The following UBE2G1 variants were observed in gnomAD, a reference collection of about 807,000 sequenced individuals.
The protein encoded by UBE2G1 is ubiquitin-conjugating enzyme E2 G1.
Under a neutral mutation model 22.7 loss-of-function variants are expected in UBE2G1, and 5 were observed. The observed-to-expected ratio is 0.22, with a 90% confidence interval of 0.12 to 0.46. The LOEUF is 0.46. UBE2G1 is among the 20% of genes least tolerant of loss of function. The probability of loss-of-function intolerance (pLI) is 0.99; values close to 1 mark genes in which losing one functional copy is unlikely to be tolerated. For synonymous variants in UBE2G1, 74 were observed against 67.5 expected (o/e 1.10, Z -0.47); for missense variants, 88 against 203.9 (o/e 0.43, Z 3.46).
chr17:4,278,492 G>A (rs974188622), intron 5 of UBE2G1, among the ~76,000 whole-genome samples: 1 of 152,128 alleles, frequency 6.6e-6, no homozygotes, highest in Admixed American at 6.5e-5. Context: ...ATTTGTGTTG[G>A]GCTGCATTCA....
At chr17:4,342,902 C>A (rs1969727780) in intron 1 of UBE2G1, among the ~76,000 whole-genome samples, 1 of 152,152 alleles carries the variant, frequency 6.6e-6, no homozygotes. Context: ...CATTGCCAGG[C>A]CTCTCTCCCA....
In UBE2G1 at chr17:4,272,018, G is replaced by A. The variant is rs948070579; in HGVS notation, c.*536C>T. The stretch of plus-strand genomic sequence containing the variant: ...AAGGGGAGTGTGTCAAAACAAAGAA[G>A]ATACAAAAGTTTAGTAAGTGAAAAG... On this transcript the variant is annotated 3_prime_UTR_variant, in exon 6 of 6. Transcript: ENST00000396981. The A allele has an allele frequency of 6.6e-6, 1 of 152,492 alleles. No individual in the cohort carries two copies. The highest frequency in any genetic ancestry group is 2.4e-5 in the African/African-American group (1 of 41,436). 9.4% of individuals were successfully genotyped at this position (152,492 alleles called of 1,614,324 possible). A position where few individuals can be genotyped will look rare whatever the true frequency, so the allele number is the denominator to read the frequency against.
intron 1 of UBE2G1, among the ~76,000 whole-genome samples, chr17:4,311,148 G>A (rs1255696258): frequency 1.3e-5 from 2 of 152,100 alleles, no homozygotes; most frequent in African/African-American, 4.8e-5. Flanking sequence ...GATGACTTGA[G>A]CCCAGGAGGC....
intron 5 of UBE2G1, among the ~76,000 whole-genome samples, chr17:4,275,390 G>A (rs1479879864): frequency 1.3e-5 from 2 of 152,080 alleles, no homozygotes; most frequent in African/African-American, 4.8e-5. Flanking sequence ...TATCCATTTC[G>A]CAGAATTTAT....
chr17:4,357,417 C>A (rs186121207), intron 1 of UBE2G1, among the ~76,000 whole-genome samples: 1 of 146,576 alleles, frequency 6.8e-6, no homozygotes, highest in East Asian at 2.0e-4. Flanking sequence ...TTTCAGGCAT[C>A]CCCTGGAGGT....
intron 1 of UBE2G1, among the ~76,000 whole-genome samples, chr17:4,360,499 T>C (rs1191761901): frequency 6.6e-6 from 1 of 152,200 alleles, no homozygotes. Context: ...AATATAATGA[T>C]AGTCACTGGA....
In UBE2G1 at chr17:4,277,644, G is replaced by A. The variant is rs546763769; in HGVS notation, c.*38-5128C>T. The stretch of plus-strand genomic sequence containing the variant: ...GTGCATTTTGAGAAAATATGTGTGG[G>A]TCATGGACTTGAATGTAGATAAATA... On this transcript the variant is annotated intron_variant, in intron 5 of 5. Transcript: ENST00000396981. Among the ~76,000 whole-genome samples the A allele has an allele frequency of 9.2e-5, 14 of 152,328 alleles. No homozygotes were observed. The South Asian group carries it at 2.1e-3, about 23-fold the overall frequency.
chr17:4,363,153 T>G (rs1240629033), intron 1 of UBE2G1, among the ~76,000 whole-genome samples: 1 of 152,200 alleles, frequency 6.6e-6, no homozygotes, highest in East Asian at 1.9e-4. Flanking sequence ...TTTATTTCAC[T>G]GTGTGTAGTT....
chr17:4,308,600 C>T (rs1452767483), intron 1 of UBE2G1, among the ~76,000 whole-genome samples: 1 of 152,154 alleles, frequency 6.6e-6, no homozygotes, highest in African/African-American at 2.4e-5. Flanking sequence ...ACAACAATCA[C>T]AATAGTGAAT....
At chr17:4,299,709 C>A (rs184993514) in intron 2 of UBE2G1, among the ~76,000 whole-genome samples, 1 of 152,252 alleles carries the variant, frequency 6.6e-6, no homozygotes, top group Non-Finnish European at 1.5e-5. Flanking sequence ...CTGAAAATGG[C>A]CTTGCCCACT....
chr17:4,354,471 G>T (rs1969882118), intron 1 of UBE2G1, among the ~76,000 whole-genome samples: 1 of 152,030 alleles, frequency 6.6e-6, no homozygotes, highest in Non-Finnish European at 1.5e-5. Context: ...TTTCTCAGGA[G>T]GTCTTTTAAC....
Position 4,366,233 on chromosome 17 carries a change from C to A in UBE2G1, c.46+38G>T, listed in dbSNP as rs781371207. 35 of 1,516,664 alleles carry A rather than the reference C, an allele frequency of 2.3e-5. 1 individual carries two copies. In the African/African-American group the frequency reaches 3.0e-4, roughly 13 times the overall value. The allele number at this position is 1,516,664 out of a possible 1,614,324, so 94.0% of individuals were successfully genotyped here. A position where few individuals can be genotyped will look rare whatever the true frequency, so the allele number is the denominator to read the frequency against. The stretch of plus-strand genomic sequence containing the variant: ...GGACTGGGCTGCGGCTGTCCGCGAT[C>A]GCGGCCGGGCCCGGCGCCCCGCCGC... On this transcript the variant is annotated intron_variant, in intron 1 of 5. Transcript: ENST00000396981.
intron 1 of UBE2G1, among the ~76,000 whole-genome samples, chr17:4,340,891 A>AT (rs1334965891): frequency 1.6e-3 from 211 of 131,426 alleles, no homozygotes; most frequent in African/African-American, 7.4e-3. Flanking sequence ...TAATTCACGT[A>AT]TTTAAAAAAA....
At chr17:4,344,573 A>T (rs1410116377) in intron 1 of UBE2G1, among the ~76,000 whole-genome samples, 21 of 151,664 alleles carry the variant, frequency 1.4e-4, no homozygotes, top group Admixed American at 4.6e-4. Context: ...AAGGAAAGGA[A>T]AAAGCTCTCA....
At chr17:4,286,250 C>T (rs1387981424) in intron 4 of UBE2G1, among the ~76,000 whole-genome samples, 1 of 151,808 alleles carries the variant, frequency 6.6e-6, no homozygotes, top group Non-Finnish European at 1.5e-5. Flanking sequence ...ACTAAAACTA[C>T]AAAAATTAGC....
At chr17:4,298,412 G>A (rs1270023856) in intron 2 of UBE2G1, among the ~76,000 whole-genome samples, 1 of 152,150 alleles carries the variant, frequency 6.6e-6, no homozygotes, top group African/African-American at 2.4e-5. Flanking sequence ...CATAACAATA[G>A]TTAACTAACA....
At chr17:4,290,753 C>A (rs1969024578) in intron 3 of UBE2G1, among the ~76,000 whole-genome samples, 1 of 145,614 alleles carries the variant, frequency 6.9e-6, no homozygotes, top group Non-Finnish European at 1.5e-5. Context: ...GTAGTTGGGA[C>A]CATAGGCACA....
chr17:4,365,071 G>A (rs539105654), intron 1 of UBE2G1, among the ~76,000 whole-genome samples: 1 of 152,324 alleles, frequency 6.6e-6, no homozygotes, highest in East Asian at 1.9e-4. Context: ...TCCTTAAGAA[G>A]CCATAAAGGT....
At chr17:4,283,343 T>TA (rs1186667417) in intron 4 of UBE2G1, among the ~76,000 whole-genome samples, 1 of 152,024 alleles carries the variant, frequency 6.6e-6, no homozygotes, top group East Asian at 1.9e-4. Context: ...AGAATAAAAG[T>TA]ACAAAAATTA....
Sources: gnomAD v4.1 joint callset for allele counts (sites outside exome capture counted in the v4.1 genomes callset) on GRCh38, gnomAD v4.1.1 for gene constraint, MANE v1.5 for transcripts, NCBI Gene and HGNC (gene_info 2026-07-23, HGNC 2026-07-21) for gene names.